Variants in ATP2B2 observed in about 807,000 individuals in gnomAD.
ATP2B2 encodes the protein ATPase plasma membrane Ca2+ transporting 2.
In ATP2B2, 15 loss-of-function variants were observed where a neutral mutation model predicts 120.0. The observed-to-expected ratio is 0.12, with a 90% CI of 0.08 to 0.19. The LOEUF is 0.19. Ranked by LOEUF, ATP2B2 falls within the 10% of genes least tolerant of loss-of-function variation. ATP2B2 has a pLI of 1.00. For synonymous variants in ATP2B2, 694 were observed against 700.3 expected (o/e 0.99, Z 0.14); for missense variants, 1,045 against 1,719.8 (o/e 0.61, Z 6.94).
rs535987410 is a variant in ATP2B2 at position 10,521,491 on chromosome 3, T to C, written c.-320+12548A>G. ...GGACAGGTGTTTAATCTCTGGGCCATTTGTTCTTGATCCAGAATGATTTGT... is the reference window on the plus strand; with the variant it reads ...GGACAGGTGTTTAATCTCTGGGCCACTTGTTCTTGATCCAGAATGATTTGT... On this transcript the variant is annotated intron_variant, in intron 3 of 21. Transcript: ENST00000646379. Among the ~76,000 whole-genome samples, 139 of 152,360 alleles carry C rather than the reference T, an allele frequency of 9.1e-4. 2 individuals carry two copies. The highest frequency in any genetic ancestry group is 3.2e-3 in the African/African-American group (134 of 41,584).
chr3:10,512,490 A>G lies in ATP2B2; in HGVS notation c.-320+21549T>C, dbSNP rs1462664132. Among the ~76,000 whole-genome samples, 11 of 151,934 alleles carry G rather than the reference A, an allele frequency of 7.2e-5. No individual in the cohort carries two copies. In the South Asian group the frequency reaches 1.3e-3, roughly 17 times the overall value. ...CACACACACACACACACACACACAC[A>G]CACACACACACACACACACACACAC... On this transcript the variant is annotated intron_variant, in intron 3 of 21. Coordinates refer to the ATP2B2 transcript ENST00000646379.
chr3:10,459,205 C>T (rs550342982), intron 1 of ATP2B2, among the ~76,000 whole-genome samples: 43 of 152,368 alleles, frequency 2.8e-4, no homozygotes, highest in African/African-American at 8.7e-4. Flanking sequence ...CTTCTGACTG[C>T]GGTGCCTGCC....
chr3:10,435,206 C>A (rs1284969533), intron 2 of ATP2B2, among the ~76,000 whole-genome samples: 5 of 152,188 alleles, frequency 3.3e-5, no homozygotes, highest in Admixed American at 2.6e-4. Flanking sequence ...AAGGTGGTCA[C>A]CCCCCAACCG....
At chr3:10,658,707 A>C (rs2070702612) in intron 1 of ATP2B2, among the ~76,000 whole-genome samples, 1 of 152,108 alleles carries the variant, frequency 6.6e-6, no homozygotes, top group Admixed American at 6.5e-5. Context: ...CAACCTAGCA[A>C]GGCAGGCCAA....
chr3:10,577,752 T>C (rs1212273762), intron 2 of ATP2B2, among the ~76,000 whole-genome samples: 2 of 152,174 alleles, frequency 1.3e-5, no homozygotes, highest in Admixed American at 6.5e-5. Context: ...TGACTCGGAA[T>C]GGCAGGGTTA....
At chr3:10,468,086 TGGTGGA>T (rs965398615) in intron 1 of ATP2B2, among the ~76,000 whole-genome samples, 13 of 152,124 alleles carry the variant, frequency 8.5e-5, no homozygotes, top group Non-Finnish European at 1.6e-4. Flanking sequence ...GGCTGCCCCT[TGGTGGA>T]GATGCCAGGG....
At chr3:10,693,188 TG>T (rs1030702381) in intron 1 of ATP2B2, among the ~76,000 whole-genome samples, 2 of 152,208 alleles carry the variant, frequency 1.3e-5, no homozygotes, top group African/African-American at 4.8e-5. Flanking sequence ...TTTTGGGGGC[TG>T]GGGAAATATG....
At chr3:10,683,781 T>TATAC (rs2071448042) in intron 1 of ATP2B2, among the ~76,000 whole-genome samples, 2 of 116,032 alleles carry the variant, frequency 1.7e-5, no homozygotes, top group Non-Finnish European at 3.6e-5. Flanking sequence ...TATATATATA[T>TATAC]ATATATATAT....
intron 1 of ATP2B2, among the ~76,000 whole-genome samples, chr3:10,470,856 C>A (rs1410729230): frequency 3.3e-5 from 5 of 152,152 alleles, no homozygotes; most frequent in African/African-American, 9.7e-5. Context: ...AGTTCCCCCA[C>A]CCCCATGTCT....
chr3:10,655,659 G>C (rs1204254771), intron 1 of ATP2B2, among the ~76,000 whole-genome samples: 1 of 152,078 alleles, frequency 6.6e-6, no homozygotes, highest in Non-Finnish European at 1.5e-5. Flanking sequence ...CCATGTCCCT[G>C]GACTTACGTG....
At chr3:10,700,358 A>G (rs574624840) in intron 1 of ATP2B2, among the ~76,000 whole-genome samples, 121 of 152,234 alleles carry the variant, frequency 7.9e-4, no homozygotes, top group Non-Finnish European at 1.3e-3. Context: ...CCACTCAACA[A>G]ATAACATGAT....
chr3:10,375,776 G>C lies in ATP2B2; in HGVS notation c.1202-132C>G. ...TCACCTCCCAGCTCTGCCACTCCTT[G>C]CTTTATGACCTGTGGCAAGTTCTTG... On this transcript the variant is annotated intron_variant, in intron 10 of 22. Coordinates refer to ENST00000360273, the MANE Select transcript of ATP2B2 (RefSeq NM_001001331.4). The surrounding 1 kb of genome is among the most constrained non-coding windows in gnomAD (Gnocchi z 4.2). The C allele has an allele frequency of 1.3e-6, 1 of 784,458 alleles. No homozygotes were observed. The highest frequency in any genetic ancestry group is 1.6e-5 in the South Asian group (1 of 63,750). 48.6% of individuals were successfully genotyped at this position (784,458 alleles called of 1,614,324 possible). A position where few individuals can be genotyped will look rare whatever the true frequency, so the allele number is the denominator to read the frequency against.
chr3:10,328,463 A>G lies in ATP2B2; in HGVS notation c.*351T>C. ...CAACCCCCAAAAACCAAACAAGGGG[A>G]GGATTGAAAGTGTACAGTACATTCA... is the stretch of plus-strand genomic sequence containing the variant. On this transcript the variant is annotated 3_prime_UTR_variant, in exon 23 of 23. Coordinates refer to ENST00000360273, the MANE Select transcript of ATP2B2 (RefSeq NM_001001331.4). The G allele has an allele frequency of 4.6e-6, 1 of 217,534 alleles. No homozygotes were observed. Among genetic ancestry groups the G allele is most frequent in the Non-Finnish European group, 9.1e-6 (1 of 109,428 alleles). 13.5% of individuals were successfully genotyped at this position (217,534 alleles called of 1,614,324 possible). A position where few individuals can be genotyped will look rare whatever the true frequency, so the allele number is the denominator to read the frequency against.
intron 1 of ATP2B2, among the ~76,000 whole-genome samples, chr3:10,488,952 G>A (rs985613010): frequency 5.3e-5 from 8 of 152,116 alleles, no homozygotes; most frequent in Admixed American, 3.9e-4. Flanking sequence ...GATGGCCCAC[G>A]AGACCCTGCG....
chr3:10,488,433 C>G (rs1481777470), intron 1 of ATP2B2, among the ~76,000 whole-genome samples: 1 of 152,106 alleles, frequency 6.6e-6, no homozygotes, highest in Non-Finnish European at 1.5e-5. Context: ...CTTCACCCAC[C>G]TATCCATCCA....
At chr3:10,542,606 CT>C (rs983638387) in intron 2 of ATP2B2, among the ~76,000 whole-genome samples, 3 of 152,028 alleles carry the variant, frequency 2.0e-5, no homozygotes, top group African/African-American at 7.2e-5. Context: ...AATATTTTTG[CT>C]GGATATGGGA....
At chr3:10,429,943 T>C (rs1248357639) in intron 2 of ATP2B2, among the ~76,000 whole-genome samples, 1 of 152,196 alleles carries the variant, frequency 6.6e-6, no homozygotes, top group East Asian at 1.9e-4. Flanking sequence ...AGCCAAAGCC[T>C]AATCCAGAAG....
At chr3:10,388,222 A>C (rs1198049834) in intron 6 of ATP2B2, 55 bp downstream of exon 6, 2 of 1,613,130 alleles carry the variant, frequency 1.2e-6, no homozygotes, top group Admixed American at 1.7e-5. Flanking sequence ...AATAAACAAA[A>C]AAAAAATGTG....
At chr3:10,460,900 G>A (rs1180086015) in intron 1 of ATP2B2, among the ~76,000 whole-genome samples, 4 of 152,184 alleles carry the variant, frequency 2.6e-5, no homozygotes, top group Non-Finnish European at 5.9e-5. Flanking sequence ...CCTCCATGGG[G>A]TGAGGGAGGA....
Sources: gnomAD v4.1 joint callset for allele counts (sites outside exome capture counted in the v4.1 genomes callset) on GRCh38, gnomAD v4.1.1 for gene constraint, Gnocchi (gnomAD v3.1) non-coding constraint, MANE v1.5 for transcripts, NCBI Gene and HGNC (gene_info 2026-07-23, HGNC 2026-07-21) for gene names.